Variants in SCLT1 observed in about 807,000 individuals in gnomAD.
SCLT1 encodes the protein sodium channel and clathrin linker 1, also known as sodium channel-associated protein 1.
A neutral mutation model predicts 112.8 loss-of-function variants in SCLT1; 78 were observed. That is an observed-to-expected ratio of 0.69 (90% CI 0.58 to 0.83). SCLT1 has a LOEUF of 0.83. Ranked by LOEUF, SCLT1 falls within the 40% of genes least tolerant of loss-of-function variation. The probability of loss-of-function intolerance (pLI) is 0.00; values close to 1 mark genes in which losing one functional copy is unlikely to be tolerated. For missense variants in SCLT1, 747 were observed against 770.4 expected (o/e 0.97, Z 0.36); for synonymous variants, 257 against 254.7 (o/e 1.01, Z -0.09).
intron 9 of SCLT1, among the ~76,000 whole-genome samples, chr4:128,981,776 C>T (rs907191311): frequency 2.0e-5 from 3 of 151,634 alleles, no homozygotes; most frequent in African/African-American, 7.3e-5. Context: ...AATGTTGTGA[C>T]AGATGTATGT....
intron 5 of SCLT1, among the ~76,000 whole-genome samples, chr4:129,028,281 G>A (rs920908468): frequency 4.6e-5 from 7 of 151,956 alleles, no homozygotes; most frequent in Admixed American, 6.6e-5. Flanking sequence ...AAACTATACT[G>A]CAAGGCTACA....
At position 129,059,194 on chromosome 4, in the gene SCLT1, T is replaced by C. The variant is rs570133980; in HGVS notation, c.103-15143A>G. ...GTTTACAGGTGAAGTGAGTTTGTTG[T>C]AGGCAGCATATAACTGGGTGACAGC... On this transcript the variant is annotated intron_variant, in intron 2 of 20. Coordinates refer to ENST00000281142, the MANE Select transcript of SCLT1 (RefSeq NM_144643.4). Among the ~76,000 whole-genome samples the C allele has an allele frequency of 4.6e-5, 7 of 152,320 alleles. No homozygotes were observed. The East Asian group carries it at 9.6e-4, about 21-fold the overall frequency.
At position 129,093,533 on chromosome 4, in the gene SCLT1, G is replaced by A. The variant is rs1269209721; in HGVS notation, c.-430C>T. On this transcript the variant is annotated 5_prime_UTR_variant, in exon 1 of 21. Transcript: ENST00000281142. ...GGCTGGGAAGCCCCAGGCCAGCAGC[G>A]GAAGTCCACTCGGCCCGCCCTGCGA... The A allele has an allele frequency of 1.1e-5, 2 of 174,408 alleles. No individual in the cohort carries two copies. The highest frequency in any genetic ancestry group is 1.4e-4 in the South Asian group (1 of 7,012). 10.8% of individuals were successfully genotyped at this position (174,408 alleles called of 1,614,324 possible). A position where few individuals can be genotyped will look rare whatever the true frequency, so the allele number is the denominator to read the frequency against.
chr4:128,950,838 G>A (rs974160281), intron 14 of SCLT1, among the ~76,000 whole-genome samples: 1 of 152,070 alleles, frequency 6.6e-6, no homozygotes, highest in Non-Finnish European at 1.5e-5. Flanking sequence ...ATTTGATATA[G>A]ATTAATAGCA....
Position 129,041,657 on chromosome 4 carries a change from AAAGG to A in SCLT1, c.234+1734_234+1737del, listed in dbSNP as rs1487149112. ...CCCTTCATGTCCGTGCATAAAAAGA[AAAGG>A]AAGTAAGGGAGAAAGTGCTTAGTGT... On this transcript the variant is annotated intron_variant, in intron 4 of 20. Transcript: ENST00000281142. 2.0e-5 allele frequency: 3 copies of A among 152,220 alleles called. 1 individual carries two copies. Among genetic ancestry groups the A allele is most frequent in the Non-Finnish European group, 4.4e-5 (3 of 68,040 alleles). The allele number at this position is 152,220 out of a possible 1,614,324, so 9.4% of individuals were successfully genotyped here.
At chr4:129,044,090 C>A in intron 2 of SCLT1, 39 bp from the exon 3 acceptor site, 4 of 1,058,864 alleles carry the variant, frequency 3.8e-6, no homozygotes, top group Non-Finnish European at 5.7e-6. Context: ...GTTCTCACAT[C>A]ATTCTAGCCA....
At chr4:128,984,875 T>C (rs976301349) in intron 9 of SCLT1, among the ~76,000 whole-genome samples, 1 of 152,106 alleles carries the variant, frequency 6.6e-6, no homozygotes, top group African/African-American at 2.4e-5. Flanking sequence ...ATTTCATAAG[T>C]TCATACTAAA....
At chr4:129,018,999 T>C (rs992336075) in intron 5 of SCLT1, among the ~76,000 whole-genome samples, 3 of 152,198 alleles carry the variant, frequency 2.0e-5, no homozygotes, top group Non-Finnish European at 2.9e-5. Flanking sequence ...TTTACATAAA[T>C]AGCTATGCTT....
At chr4:128,876,347 C>A (rs1732519990) in intron 4 of SCLT1, among the ~76,000 whole-genome samples, 1 of 152,106 alleles carries the variant, frequency 6.6e-6, no homozygotes, top group Admixed American at 6.6e-5. Flanking sequence ...CCTACAAGGT[C>A]TTAAAGTTGA....
chr4:128,987,196 T>C lies in SCLT1; in HGVS notation c.686+4971A>G, dbSNP rs531238922. On this transcript the variant is annotated intron_variant, in intron 9 of 20. Transcript: ENST00000281142. ...CTTAGGCCAAAACACTCAATCTCTT[T>C]TGGATTCGTGGAAAGCCCACTCTAG... Among the ~76,000 whole-genome samples, 11 of 152,236 alleles carry C rather than the reference T, an allele frequency of 7.2e-5. No homozygotes were observed. The East Asian group carries it at 2.1e-3, about 29-fold the overall frequency.
intron 6 of SCLT1, among the ~76,000 whole-genome samples, chr4:129,002,181 A>G (rs891114040): frequency 1.3e-5 from 2 of 152,038 alleles, no homozygotes; most frequent in African/African-American, 4.8e-5. Context: ...TGTAGCCCCC[A>G]TTTATAAATG....
chr4:128,926,474 CT>C (rs775823092), intron 18 of SCLT1, among the ~76,000 whole-genome samples: 1 of 152,060 alleles, frequency 6.6e-6, no homozygotes, highest in Non-Finnish European at 1.5e-5. Context: ...GCAAAAATAT[CT>C]TTCAAGAATA....
Position 128,948,508 on chromosome 4 carries a change from T to C in SCLT1, c.1281A>G (p.Glu427=). Residue 427 remains glutamate, a synonymous_variant, in exon 15 of 21, where the codon GAA becomes GAG. Transcript: ENST00000281142. The part of the protein sequence containing the change: ...RVIKEKKAVE[E]ELEKIYREGR... Reference sequence around the variant, plus strand: ...TTTTTCTTTTTACCTTTTCTAGTTCTTCTTCCACTGCTTTTTTTTCCTTAA... The same window carrying C: ...TTTTTCTTTTTACCTTTTCTAGTTCCTCTTCCACTGCTTTTTTTTCCTTAA... The C allele has an allele frequency of 6.2e-7, 1 of 1,608,490 alleles. No individual in the cohort carries two copies. Among genetic ancestry groups the C allele is most frequent in the South Asian group, 1.1e-5 (1 of 90,924 alleles).
Position 129,087,076 on chromosome 4 carries a change from C to T in SCLT1, c.35-4703G>A, listed in dbSNP as rs138153505. The stretch of plus-strand genomic sequence containing the variant: ...CTTAAGAGACTTTCCAGGGCCATGA[C>T]ACGGGGGGAGGAAATGCAAGTGGAG... On this transcript the variant is annotated intron_variant, in intron 1 of 20. Coordinates refer to ENST00000281142, the MANE Select transcript of SCLT1 (RefSeq NM_144643.4). 1.6e-3 allele frequency among the ~76,000 whole-genome samples: 246 copies of T among 152,172 alleles called. 2 individuals carry two copies. Among genetic ancestry groups the T allele is most frequent in the East Asian group, 0.014 (70 of 5,176 alleles).
intron 9 of SCLT1, among the ~76,000 whole-genome samples, chr4:128,991,515 A>G (rs1206256124): frequency 6.6e-6 from 1 of 151,840 alleles, no homozygotes; most frequent in Non-Finnish European, 1.5e-5. Context: ...AGCAAAGGAA[A>G]CAATAAGTAA....
intron 4 of SCLT1, 51 bp from the exon 5 acceptor site, chr4:129,039,147 T>C (rs914789783): frequency 8.4e-7 from 1 of 1,187,600 alleles, no homozygotes; most frequent in Non-Finnish European, 1.3e-6. Context: ...CAATCAGATC[T>C]CCATTAAGTA....
chr4:128,935,744 TC>T (rs1205957553), intron 18 of SCLT1, among the ~76,000 whole-genome samples: 3 of 152,100 alleles, frequency 2.0e-5, no homozygotes, highest in African/African-American at 7.2e-5. Context: ...TCTCAGTCTC[TC>T]TCAGTGGAAT....
chr4:129,057,669 T>A (rs1364522438), intron 2 of SCLT1, among the ~76,000 whole-genome samples: 1 of 151,890 alleles, frequency 6.6e-6, no homozygotes, highest in Non-Finnish European at 1.5e-5. Context: ...TCTGGGAATT[T>A]ATCCATTATT....
intron 2 of SCLT1, among the ~76,000 whole-genome samples, chr4:129,049,251 C>T (rs1579842747): frequency 6.6e-6 from 1 of 151,582 alleles, no homozygotes. Context: ...CAATGATAGA[C>T]TGGATTAAGA....
Sources: allele counts gnomAD v4.1 joint callset (sites outside exome capture counted in the v4.1 genomes callset), GRCh38; gene constraint gnomAD v4.1.1; transcripts MANE v1.5; gene names NCBI Gene and HGNC (gene_info 2026-07-23, HGNC 2026-07-21).